The following PTPRM variants were observed in gnomAD, a reference collection of about 807,000 sequenced individuals.
PTPRM encodes the protein receptor-type tyrosine-protein phosphatase mu.
In PTPRM, 47 loss-of-function variants were observed where a neutral mutation model predicts 186.7. That is an observed-to-expected ratio of 0.25 (90% CI 0.20 to 0.32). The LOEUF (loss-of-function observed/expected upper bound fraction) is 0.32, where lower values mean the gene tolerates loss of function less well. Ranked by LOEUF, PTPRM falls within the 10% of genes least tolerant of loss-of-function variation. PTPRM has a pLI of 1.00. For synonymous variants in PTPRM, 668 were observed against 674.9 expected, an observed-to-expected ratio of 0.99 and a Z score of 0.16; for missense variants, 1,494 against 1,865.0, an observed-to-expected ratio of 0.80 and a Z score of 3.66.
intron 7 of PTPRM, among the ~76,000 whole-genome samples, chr18:8,024,178 A>T (rs557851501): frequency 9.9e-5 from 15 of 151,660 alleles, no homozygotes; most frequent in African/African-American, 3.4e-4. Context: ...TTTTTGTTTT[A>T]TTTCTTTAAT....
intron 19 of PTPRM, among the ~76,000 whole-genome samples, chr18:8,272,394 TC>T (rs1462228437): frequency 6.6e-6 from 1 of 152,114 alleles, no homozygotes; most frequent in Non-Finnish European, 1.5e-5. Flanking sequence ...TAACTTGCCC[TC>T]TTTTTTTCAA....
intron 30 of PTPRM, among the ~76,000 whole-genome samples, 169 bp from the exon 31 acceptor site, chr18:8,386,903 G>A (rs954653063): frequency 2.6e-5 from 4 of 152,100 alleles, no homozygotes; most frequent in Admixed American, 1.3e-4. Context: ...TTAACTGCTC[G>A]AGATTAAAAA....
intron 2 of PTPRM, among the ~76,000 whole-genome samples, chr18:7,806,778 A>C (rs557812431): frequency 6.6e-6 from 1 of 152,310 alleles, no homozygotes; most frequent in African/African-American, 2.4e-5. Context: ...TGAATTTATA[A>C]TCTTTGTTTA....
At chr18:7,723,007 T>G (rs2040477866) in intron 1 of PTPRM, among the ~76,000 whole-genome samples, 1 of 152,238 alleles carries the variant, frequency 6.6e-6, no homozygotes, top group African/African-American at 2.4e-5. Flanking sequence ...TTAGTTTTTT[T>G]TTCCAAGAAG....
At chr18:7,730,512 C>T (rs1024876468) in intron 1 of PTPRM, among the ~76,000 whole-genome samples, 6 of 152,142 alleles carry the variant, frequency 3.9e-5, no homozygotes, top group African/African-American at 1.4e-4. Context: ...CAACAAACAC[C>T]TGTATTGTTA....
intron 23 of PTPRM, among the ~76,000 whole-genome samples, chr18:8,361,817 C>G (rs2095598751): frequency 6.6e-6 from 1 of 152,190 alleles, no homozygotes; most frequent in Non-Finnish European, 1.5e-5. Flanking sequence ...TGCCAGGCTT[C>G]TTTCTGTTAC....
chr18:8,128,497 T>A lies in PTPRM; in HGVS notation c.2167+13670T>A, dbSNP rs911235073. Among the ~76,000 whole-genome samples, 7 of 152,154 alleles carry A rather than the reference T, an allele frequency of 4.6e-5. No homozygotes were observed. The East Asian group carries it at 1.3e-3, about 29-fold the overall frequency. ...GAAAGAATGTAAAATGAGGGTAAAA[T>A]TTTATTCTTTCTGCAATACCAGCTG... is the stretch of plus-strand genomic sequence containing the variant. On this transcript the variant is annotated intron_variant, in intron 13 of 32. Coordinates refer to ENST00000580170, the MANE Select transcript of PTPRM (RefSeq NM_001105244.2).
In PTPRM at chr18:8,085,837, C is replaced by T; in HGVS notation, c.1718C>T (p.Pro573Leu). Reference sequence around the variant, plus strand: ...GCTAGCACAGCTAAGGGTTTTGGGCCTCCAGCAACAAACCAGTTCACCACC... The same window carrying T: ...GCTAGCACAGCTAAGGGTTTTGGGCTTCCAGCAACAAACCAGTTCACCACC... ...IRASTAKGFG[P>L]PATNQFTTKI... The change falls in exon 10 of 33, where the codon CCT (proline) becomes CTT (leucine). Residue 573 changes from proline (P) to leucine (L), a missense_variant. Transcript: ENST00000580170. 6.2e-7 allele frequency: 1 copy of T among 1,613,314 alleles called. No homozygotes were observed. Among genetic ancestry groups the T allele is most frequent in the South Asian group, 1.1e-5 (1 of 91,064 alleles).
chr18:7,842,862 A>ATG (rs1491579744), intron 2 of PTPRM, among the ~76,000 whole-genome samples: 4 of 91,998 alleles, frequency 4.3e-5, no homozygotes, highest in African/African-American at 3.1e-4. Context: ...AGAGAGAAAC[A>ATG]TATATATATA....
Position 7,823,879 on chromosome 18 carries a change from C to G in PTPRM, c.196+49608C>G, listed in dbSNP as rs564078325. On this transcript the variant is annotated intron_variant, in intron 2 of 32. Coordinates refer to ENST00000580170, the MANE Select transcript of PTPRM (RefSeq NM_001105244.2). ...TGAGTCAGTACTTCTTAATAAACTC[C>G]CCTTCATCTGTACATCTATCCTACT... Among the ~76,000 whole-genome samples, 9 of 152,142 alleles carry G rather than the reference C, an allele frequency of 5.9e-5. No individual in the cohort carries two copies. In the South Asian group the frequency reaches 1.7e-3, roughly 28 times the overall value.
chr18:8,393,621 T>G (rs1401990665), intron 31 of PTPRM, among the ~76,000 whole-genome samples: 1 of 152,238 alleles, frequency 6.6e-6, no homozygotes, highest in Admixed American at 6.5e-5. Context: ...GTTTGCATAA[T>G]GCGCTGTGGG....
intron 2 of PTPRM, among the ~76,000 whole-genome samples, chr18:7,839,969 A>T (rs186931081): frequency 3.0e-4 from 46 of 151,740 alleles, no homozygotes; most frequent in African/African-American, 8.7e-4. Flanking sequence ...GTAACAAGGC[A>T]GCACTGAGTT....
intron 2 of PTPRM, among the ~76,000 whole-genome samples, chr18:7,777,955 C>T (rs957263505): frequency 6.6e-6 from 1 of 152,044 alleles, no homozygotes; most frequent in Admixed American, 6.6e-5. Flanking sequence ...TCGAGACCAC[C>T]CTGGACAACG....
At chr18:8,168,291 T>C (rs2093351609) in intron 14 of PTPRM, among the ~76,000 whole-genome samples, 1 of 152,182 alleles carries the variant, frequency 6.6e-6, no homozygotes, top group South Asian at 2.1e-4. Flanking sequence ...AACCATTTGG[T>C]TTTCACATTA....
intron 3 of PTPRM, among the ~76,000 whole-genome samples, chr18:7,895,360 C>T (rs1054958137): frequency 9.2e-5 from 14 of 152,176 alleles, no homozygotes; most frequent in Non-Finnish European, 1.9e-4. Flanking sequence ...CCTGCTAAGG[C>T]GCTTCCTAAA....
chr18:8,235,174 T>C (rs2094329837), intron 14 of PTPRM, among the ~76,000 whole-genome samples: 1 of 152,126 alleles, frequency 6.6e-6, no homozygotes, highest in African/African-American at 2.4e-5. Context: ...AAATATTTGG[T>C]AGAATTTAAC....
intron 2 of PTPRM, among the ~76,000 whole-genome samples, chr18:7,852,602 G>A (rs1006571874): frequency 2.7e-4 from 41 of 151,976 alleles, no homozygotes; most frequent in African/African-American, 9.9e-4. Flanking sequence ...GCAGGAGAAT[G>A]TGAACCTGGG....
intron 14 of PTPRM, among the ~76,000 whole-genome samples, chr18:8,195,152 C>CTTTTTTTTTTTTTTTT (rs1164451439): frequency 1.7e-5 from 2 of 117,064 alleles, no homozygotes; most frequent in Non-Finnish European, 1.8e-5. Flanking sequence ...CTTAGAAGTT[C>CTTTTTTTTTTTTTTTT]TTTTTTTTTT....
At chr18:8,321,702 C>T (rs972608901) in intron 22 of PTPRM, among the ~76,000 whole-genome samples, 7 of 152,204 alleles carry the variant, frequency 4.6e-5, no homozygotes, top group Non-Finnish European at 8.8e-5. Flanking sequence ...GCAGATTGGA[C>T]TTCTCAAACT....
Sources: gnomAD v4.1 joint callset for allele counts (sites outside exome capture counted in the v4.1 genomes callset) on GRCh38, gnomAD v4.1.1 for gene constraint, MANE v1.5 for transcripts, NCBI Gene and HGNC (gene_info 2026-07-23, HGNC 2026-07-21) for gene names.